ABCC1: variants seen among roughly 807,000 people sequenced by gnomAD.
ABCC1 encodes the protein multidrug resistance-associated protein 1.
In ABCC1, 83 loss-of-function variants were observed where a neutral mutation model predicts 172.9. That is an observed-to-expected ratio of 0.48 (90% CI 0.40 to 0.58). The LOEUF is 0.58. Ranked by LOEUF, ABCC1 falls within the 20% of genes least tolerant of loss-of-function variation. The pLI, the probability that ABCC1 is intolerant of heterozygous loss-of-function variation, is 0.00. For missense variants in ABCC1, 1,817 were observed against 2,002.7 expected (o/e 0.91, Z 1.77); for synonymous variants, 937 against 825.2 (o/e 1.14, Z -2.32).
chr16:16,011,625 G>A (rs8054156), intron 3 of ABCC1, among the ~76,000 whole-genome samples: 35,350 of 151,754 alleles, frequency 0.23, 5,227 homozygotes, highest in African/African-American at 0.41. Flanking sequence ...GGGAGTGTAG[G>A]CATGCACCAA....
chr16:16,067,827 C>T (rs1043086578), intron 12 of ABCC1, among the ~76,000 whole-genome samples: 10 of 152,102 alleles, frequency 6.6e-5, no homozygotes, highest in East Asian at 3.9e-4. Context: ...GCAGAGGAAA[C>T]GTCAGGGGCA....
chr16:16,093,550 C>T (rs1384631765), intron 19 of ABCC1, among the ~76,000 whole-genome samples: 2 of 152,178 alleles, frequency 1.3e-5, no homozygotes, highest in African/African-American at 4.8e-5. Flanking sequence ...GACCTCCCTA[C>T]CTCCTGCCTT....
chr16:16,044,514 G>C lies in ABCC1; in HGVS notation c.874G>C (p.Asp292His), dbSNP rs756652894. 6.2e-7 allele frequency: 1 copy of C among 1,614,202 alleles called. No homozygotes were observed. The highest frequency in any genetic ancestry group is 1.1e-5 in the South Asian group (1 of 91,078). Residue 292 changes from aspartate to histidine, a missense_variant, in exon 8 of 31, where the codon GAT becomes CAT. By Grantham distance (81) the Asp-to-His change is moderately conservative (BLOSUM62 -1). Coordinates refer to ENST00000399410, the MANE Select transcript of ABCC1 (RefSeq NM_004996.4). ...CCAGCCGAAAGAGAGTTCCAAGGTG[G>C]ATGCGAATGAGGAGGTGGAGGCTTT... ...PAQPKESSKV[D>H]ANEEVEALIV...
intron 1 of ABCC1, among the ~76,000 whole-genome samples, chr16:15,989,669 GC>G (rs979362804): frequency 2.6e-5 from 4 of 152,124 alleles, no homozygotes; most frequent in African/African-American, 7.2e-5. Flanking sequence ...CAGAAGAGTT[GC>G]TAGGGTTTGA....
At chr16:16,132,506 GGTTGT>G (rs1333183596) in intron 27 of ABCC1, among the ~76,000 whole-genome samples, 13 of 100,950 alleles carry the variant, frequency 1.3e-4, no homozygotes, top group Admixed American at 1.1e-4. Context: ...TTTTTTGGTT[GGTTGT>G]TTTTTTTTTT....
chr16:16,076,232 T>TC, intron 14 of ABCC1, 94 bp from the exon 15 acceptor site: 1 of 1,244,642 alleles, frequency 8.0e-7, no homozygotes, highest in Non-Finnish European at 1.1e-6. Flanking sequence ...GCCAAGCGTC[T>TC]GGGGTTGAAC....
chr16:15,953,435 G>A (rs1256282552), intron 1 of ABCC1, among the ~76,000 whole-genome samples: 3 of 152,164 alleles, frequency 2.0e-5, no homozygotes, highest in African/African-American at 7.2e-5. Context: ...GTGGCTCAGA[G>A]CAAATTCGCC....
At chr16:16,004,317 A>T (rs2047437660) in intron 1 of ABCC1, among the ~76,000 whole-genome samples, 1 of 152,148 alleles carries the variant, frequency 6.6e-6, no homozygotes, top group African/African-American at 2.4e-5. Flanking sequence ...TGTATACATA[A>T]CTGCATATGT....
chr16:15,999,063 C>T (rs973563268), intron 1 of ABCC1, among the ~76,000 whole-genome samples: 49 of 152,240 alleles, frequency 3.2e-4, no homozygotes, highest in African/African-American at 1.0e-3. Context: ...TGCAGTGCTG[C>T]GATCTCGGCT....
intron 5 of ABCC1, among the ~76,000 whole-genome samples, chr16:16,028,561 G>A (rs1038942743): frequency 7.9e-5 from 12 of 152,054 alleles, no homozygotes; most frequent in Non-Finnish European, 1.3e-4. Context: ...CCCACCCGCC[G>A]ACTGTGGGAG....
chr16:16,090,059 C>G (rs900665690), intron 18 of ABCC1, among the ~76,000 whole-genome samples: 1 of 152,182 alleles, frequency 6.6e-6, no homozygotes, highest in African/African-American at 2.4e-5. Flanking sequence ...TACACCCGTT[C>G]CCCTTTTTGC....
chr16:16,104,012 G>T (rs549841105), intron 20 of ABCC1, among the ~76,000 whole-genome samples: 54 of 152,230 alleles, frequency 3.5e-4, no homozygotes, highest in African/African-American at 9.6e-4. Context: ...AGACCTTCGC[G>T]GTAAGTGTTA....
chr16:16,126,478 G>A (rs956256695), intron 26 of ABCC1, among the ~76,000 whole-genome samples: 2 of 152,146 alleles, frequency 1.3e-5, no homozygotes, highest in Admixed American at 6.6e-5. Flanking sequence ...CCTCCTCCCA[G>A]GTTCAAGTAA....
intron 1 of ABCC1, among the ~76,000 whole-genome samples, chr16:15,976,335 G>T (rs1237259522): frequency 6.6e-6 from 1 of 152,210 alleles, no homozygotes; most frequent in African/African-American, 2.4e-5. Context: ...CTAAGTGCCA[G>T]GGACTGTTGT....
At chr16:16,071,861 C>G in intron 14 of ABCC1, 132 bp downstream of exon 14, 1 of 796,746 alleles carries the variant, frequency 1.3e-6, no homozygotes, top group East Asian at 2.7e-5. Flanking sequence ...CTGCGAGACC[C>G]CGGGGGACAA....
intron 23 of ABCC1, among the ~76,000 whole-genome samples, chr16:16,116,585 CAG>C (rs1460046261): frequency 6.6e-6 from 1 of 151,018 alleles, no homozygotes; most frequent in Non-Finnish European, 1.5e-5. Context: ...TTTTTTGAGA[CAG>C]AGTTTAGCTG....
At chr16:16,056,402 A>G (rs2049657445) in intron 12 of ABCC1, 107 bp downstream of exon 12, 3 of 1,285,712 alleles carry the variant, frequency 2.3e-6, no homozygotes, top group South Asian at 1.4e-5. Flanking sequence ...GCAGTGGCTC[A>G]TGCTTGGTAA....
chr16:16,062,900 G>C (rs999941799), intron 12 of ABCC1, among the ~76,000 whole-genome samples: 3 of 152,128 alleles, frequency 2.0e-5, no homozygotes, highest in African/African-American at 7.2e-5. Context: ...TCCTAAAATA[G>C]CATCGCCAGG....
Position 16,106,609 on chromosome 16 carries a change from T to C in ABCC1, c.2736-129T>C, listed in dbSNP as rs548457304. 2.8e-6 allele frequency: 3 copies of C among 1,052,972 alleles called. No homozygotes were observed. In the East Asian group the frequency reaches 7.5e-5, roughly 26 times the overall value. 65.2% of individuals were successfully genotyped at this position (1,052,972 alleles called of 1,614,324 possible). ...GCATATATTCATATATATGTTTACA[T>C]GTGTGCATGTGGAAACACTCCGTCT... On this transcript the variant is annotated intron_variant, in intron 20 of 30. Transcript: ENST00000399410.
Sources: gnomAD v4.1 joint callset for allele counts (sites outside exome capture counted in the v4.1 genomes callset) on GRCh38, gnomAD v4.1.1 for gene constraint, MANE v1.5 for transcripts, NCBI Gene and HGNC (gene_info 2026-07-23, HGNC 2026-07-21) for gene names.